The following TACC2 variants were observed in gnomAD, a reference collection of about 807,000 sequenced individuals.
TACC2 encodes transforming acidic coiled-coil-containing protein 2.
In TACC2, 137 loss-of-function variants were observed where a neutral mutation model predicts 227.3. That is an observed-to-expected ratio of 0.60 (90% CI 0.52 to 0.69). The LOEUF is 0.69. TACC2 is among the 30% of genes least tolerant of loss of function. TACC2 has a pLI of 0.00. For synonymous variants in TACC2, 1,523 were observed against 1,487.5 expected (o/e 1.02, Z -0.55); for missense variants, 3,470 against 3,694.4 (o/e 0.94, Z 1.57).
chr10:122,195,815 T>C (rs1032591993), intron 8 of TACC2, among the ~76,000 whole-genome samples: 3 of 152,134 alleles, frequency 2.0e-5, no homozygotes, highest in African/African-American at 7.2e-5. Flanking sequence ...ACCTCTCACA[T>C]GGAAGATTCA....
chr10:122,094,362 C>A (rs1216481008), intron 5 of TACC2, among the ~76,000 whole-genome samples: 1 of 152,096 alleles, frequency 6.6e-6, no homozygotes, highest in Admixed American at 6.5e-5. Context: ...CTCTAACCTC[C>A]AATTCCTGGG....
intron 5 of TACC2, among the ~76,000 whole-genome samples, chr10:122,109,394 T>C (rs1417929792): frequency 6.6e-6 from 1 of 152,224 alleles, no homozygotes; most frequent in African/African-American, 2.4e-5. Context: ...ACCCCTTTCC[T>C]GACGTACTGA....
At position 122,252,496 on chromosome 10, in the gene TACC2, C is replaced by CT. The variant is rs897672750; in HGVS notation, c.8782-1483dup. On this transcript the variant is annotated intron_variant, in intron 22 of 22. Transcript: ENST00000369005. Reference sequence around the variant, plus strand: ...GGCAATGAGAGTTTTTTTTTTCTTTCTTTTTTTTTTTTGAGATGAAGTCTG... The same window carrying CT: ...GGCAATGAGAGTTTTTTTTTTCTTTCTTTTTTTTTTTTTGAGATGAAGTCTG... 2.2e-3 allele frequency among the ~76,000 whole-genome samples: 315 copies of CT among 142,464 alleles called. 2 individuals carry two copies. Among genetic ancestry groups the CT allele is most frequent in the Non-Finnish European group, 3.2e-3 (210 of 65,298 alleles). 93.5% of individuals were successfully genotyped at this position (142,464 alleles called of 152,430 possible). A position where few individuals can be genotyped will look rare whatever the true frequency, so the allele number is the denominator to read the frequency against.
At chr10:122,100,568 C>A (rs2082019326) in intron 5 of TACC2, among the ~76,000 whole-genome samples, 1 of 151,902 alleles carries the variant, frequency 6.6e-6, no homozygotes, top group Non-Finnish European at 1.5e-5. Context: ...GGATTACAGG[C>A]ACGCACCACC....
rs1006881857 is a variant in TACC2, at chr10:122,056,471, A to C, written c.146+5921A>C. On this transcript the variant is annotated intron_variant, in intron 3 of 22. Transcript: ENST00000369005. ...ATTACAGGCGTGAGCCACTGCGCCCAGCCAGGAAGGAGCATTTCTAACAGG... is the reference window on the plus strand; with the variant it reads ...ATTACAGGCGTGAGCCACTGCGCCCCGCCAGGAAGGAGCATTTCTAACAGG... Among the ~76,000 whole-genome samples the C allele has an allele frequency of 2.0e-5, 3 of 152,172 alleles. No individual in the cohort carries two copies. The East Asian group carries it at 5.8e-4, about 29-fold the overall frequency.
At chr10:122,119,104 A>G (rs2085249674) in intron 5 of TACC2, among the ~76,000 whole-genome samples, 1 of 152,208 alleles carries the variant, frequency 6.6e-6, no homozygotes, top group South Asian at 2.1e-4. Context: ...AATCTGAACG[A>G]CTGTATCCAT....
chr10:122,238,118 A>G (rs1282147780), intron 18 of TACC2, 81 bp downstream of exon 18: 2 of 1,111,578 alleles, frequency 1.8e-6, no homozygotes, highest in Non-Finnish European at 2.7e-6. Context: ...GGTGTGGTCC[A>G]CAGAAGAGTG....
At chr10:122,223,811 A>G (rs918567364) in intron 11 of TACC2, among the ~76,000 whole-genome samples, 1 of 152,184 alleles carries the variant, frequency 6.6e-6, no homozygotes, top group Admixed American at 6.5e-5. Flanking sequence ...GCTTTTTCAC[A>G]GTGGGTTTCT....
At chr10:122,158,798 C>A (rs916860083) in intron 7 of TACC2, among the ~76,000 whole-genome samples, 19 of 152,236 alleles carry the variant, frequency 1.2e-4, no homozygotes, top group African/African-American at 4.3e-4. Context: ...AAGAGGTTAA[C>A]AGAATATCTG....
intron 3 of TACC2, among the ~76,000 whole-genome samples, chr10:122,060,441 C>T (rs2136393661): frequency 6.6e-6 from 1 of 152,334 alleles, no homozygotes; most frequent in Middle Eastern, 3.4e-3. Context: ...TTCCTCATTG[C>T]CTTTCCCTCT....
rs78716001 is a variant in TACC2 at position 122,191,900 on chromosome 10, A to G, written c.5835-3140A>G. ...TTTTCTAGTAGGAAAAGAAATATCA[A>G]ACAGCCGGTGGGAATTGTGCTTATA... On this transcript the variant is annotated intron_variant, in intron 7 of 22. Coordinates refer to ENST00000369005, the MANE Select transcript of TACC2 (RefSeq NM_206862.4). 0.015 allele frequency among the ~76,000 whole-genome samples: 2,266 copies of G among 152,312 alleles called. 154 individuals carry two copies. The East Asian group carries it at 0.24, about 16-fold the overall frequency.
chr10:122,020,657 A>T (rs1199056193), intron 1 of TACC2, among the ~76,000 whole-genome samples: 1 of 152,090 alleles, frequency 6.6e-6, no homozygotes, highest in Non-Finnish European at 1.5e-5. Context: ...TTTGAGGTTT[A>T]TTTCCAACTT....
intron 14 of TACC2, 53 bp from the exon 15 acceptor site, chr10:122,229,293 C>T (rs1281970614): frequency 3.6e-5 from 58 of 1,605,396 alleles, no homozygotes; most frequent in Non-Finnish European, 4.9e-5. Flanking sequence ...ATCAATATCA[C>T]TCTCTGTTCT....
chr10:122,194,400 G>C lies in TACC2; in HGVS notation c.5835-640G>C, dbSNP rs1352652399. On this transcript the variant is annotated intron_variant, in intron 7 of 22. Transcript: ENST00000369005. This position sits in a 1 kb window ranked among gnomAD's most constrained non-coding sequence, Gnocchi z 4.4. Reference sequence around the variant, plus strand: ...TCACTGTGTCGGGGTTGGTGGCCGTGCTTTGTGTCTTGGTCTGATGCACCC... The same window carrying C: ...TCACTGTGTCGGGGTTGGTGGCCGTCCTTTGTGTCTTGGTCTGATGCACCC... Among the ~76,000 whole-genome samples, 1 of 152,158 alleles carries C rather than the reference G, an allele frequency of 6.6e-6. No homozygotes were observed. The highest frequency in any genetic ancestry group is 1.5e-5 in the Non-Finnish European group (1 of 68,012).
chr10:122,215,349 T>C (rs761495922), intron 9 of TACC2, 42 bp from the exon 10 acceptor site: 3 of 1,579,972 alleles, frequency 1.9e-6, no homozygotes, highest in Non-Finnish European at 2.6e-6. Flanking sequence ...GAGTGTTCCG[T>C]CCCTCTGCTT....
At chr10:122,159,243 C>CT in intron 7 of TACC2, among the ~76,000 whole-genome samples, 1 of 152,282 alleles carries the variant, frequency 6.6e-6, no homozygotes, top group African/African-American at 2.4e-5. Flanking sequence ...CGGATTGGGA[C>CT]TTTTTTGCAA....
intron 8 of TACC2, among the ~76,000 whole-genome samples, chr10:122,196,780 C>T (rs186714690): frequency 1.3e-5 from 2 of 151,792 alleles, no homozygotes; most frequent in Non-Finnish European, 2.9e-5. Flanking sequence ...GTTAAAAATA[C>T]AAAAAATTAG....
chr10:122,096,774 T>A (rs966374407), intron 5 of TACC2, among the ~76,000 whole-genome samples: 1 of 151,894 alleles, frequency 6.6e-6, no homozygotes. Flanking sequence ...TTTCCACTGA[T>A]GTCTCTGCAC....
chr10:122,189,030 A>T (rs2094315680), intron 7 of TACC2, among the ~76,000 whole-genome samples: 1 of 152,028 alleles, frequency 6.6e-6, no homozygotes, highest in South Asian at 2.1e-4. Flanking sequence ...TCATGTTCTT[A>T]TTTAGCTAAA....
Sources: gnomAD v4.1 joint callset for allele counts (sites outside exome capture counted in the v4.1 genomes callset) on GRCh38, gnomAD v4.1.1 for gene constraint, Gnocchi (gnomAD v3.1) non-coding constraint, MANE v1.5 for transcripts, NCBI Gene and HGNC (gene_info 2026-07-23, HGNC 2026-07-21) for gene names.